Variants in GTF2F1 observed in about 807,000 individuals in gnomAD.
The protein encoded by GTF2F1 is general transcription factor IIF subunit 1.
A neutral mutation model predicts 63.5 loss-of-function variants in GTF2F1; 39 were observed. The observed-to-expected ratio is 0.61, with a 90% confidence interval of 0.48 to 0.80. GTF2F1 has a LOEUF of 0.80. Among genes scored for constraint, GTF2F1 ranks in the 30% least tolerant of loss-of-function variants. The probability of loss-of-function intolerance (pLI) is 0.00; values close to 1 mark genes in which losing one functional copy is unlikely to be tolerated. For synonymous variants in GTF2F1, 287 were observed against 285.3 expected (o/e 1.01, Z -0.06); for missense variants, 657 against 718.3 (o/e 0.91, Z 0.97).
rs1395761972 is a variant in GTF2F1 at position 6,380,701 on chromosome 19, G to A, written c.1232-11C>T. On this transcript the variant is annotated splice_polypyrimidine_tract_variant and intron_variant, in intron 11 of 12. Coordinates refer to ENST00000394456, the MANE Select transcript of GTF2F1 (RefSeq NM_002096.3). This position sits in a 1 kb window ranked among gnomAD's most constrained non-coding sequence, Gnocchi z 5.3. ...CGCTCACCCGCTTCCCTGTGGGAGTGGGGTCAGGGCTGAGTCTTGCAGGCA... is the reference window on the plus strand; with the variant it reads ...CGCTCACCCGCTTCCCTGTGGGAGTAGGGTCAGGGCTGAGTCTTGCAGGCA... The A allele has an allele frequency of 6.2e-7, 1 of 1,608,328 alleles. No homozygotes were observed. The highest frequency in any genetic ancestry group is 1.1e-5 in the South Asian group (1 of 91,034).
Position 6,381,160 on chromosome 19 carries a change from C to T in GTF2F1, c.1054G>A (p.Asp352Asn), listed in dbSNP as rs765317059. The change falls in exon 10 of 13, where the codon GAC becomes AAC. Residue 352 changes from aspartate to asparagine, a missense_variant. Around this residue, in one of 2 missense-constraint regions of GTF2F1, gnomAD observed 602 missense variants for 625.6 expected, o/e 0.96. Transcript: ENST00000394456. This position sits in a 1 kb window ranked among gnomAD's most constrained non-coding sequence, Gnocchi z 4.1. ...SEESDSSEES[D>N]IDSEASSALF... ...GCTGAGGAGGCCTCGCTGTCAATGT[C>T]GCTCTCCTCTGAGCTGTCCGACTCC... 15 of 1,611,654 alleles carry T rather than the reference C, an allele frequency of 9.3e-6. No individual in the cohort carries two copies. The East Asian group carries it at 1.1e-4, about 12-fold the overall frequency.
At chr19:6,391,554 G>C (rs2091998099) in intron 3 of GTF2F1, among the ~76,000 whole-genome samples, 1 of 145,326 alleles carries the variant, frequency 6.9e-6, no homozygotes, top group Non-Finnish European at 1.5e-5. Flanking sequence ...CTGGGCTCAA[G>C]CGATCCTCCT....
Position 6,387,376 on chromosome 19 carries a change from C to A in GTF2F1, c.497+13G>T. 1 of 1,612,880 alleles carries A rather than the reference C, an allele frequency of 6.2e-7. No individual in the cohort carries two copies. The highest frequency in any genetic ancestry group is 8.5e-7 in the Non-Finnish European group (1 of 1,179,094). On this transcript the variant is annotated intron_variant, in intron 5 of 12. Transcript: ENST00000394456. ...CCTCACTTCTGTCCCCAGCCACCAC[C>A]CAGCCCACTCACCTCTCCCACTCCT...
intron 3 of GTF2F1, 60 bp from the exon 4 acceptor site, chr19:6,389,697 C>T (rs1446705139): frequency 6.7e-7 from 1 of 1,493,064 alleles, no homozygotes; most frequent in Non-Finnish European, 9.2e-7. Context: ...CAGTGCCCCC[C>T]TCCAGGAACG....
At chr19:6,392,930 G>C in intron 1 of GTF2F1, 27 bp from the exon 2 acceptor site, 1 of 1,614,168 alleles carries the variant, frequency 6.2e-7, no homozygotes, top group Non-Finnish European at 8.5e-7. Flanking sequence ...CGGTGAGTGA[G>C]GGGTCGCCGA....
chr19:6,390,855 G>A (rs1027348017), intron 3 of GTF2F1, among the ~76,000 whole-genome samples: 1 of 151,954 alleles, frequency 6.6e-6, no homozygotes, highest in Non-Finnish European at 1.5e-5. Flanking sequence ...ACTCCAGCCT[G>A]GATGACAAGA....
Position 6,389,461 on chromosome 19 carries a change from G to C in GTF2F1, c.309C>G (p.Asn103Lys), listed in dbSNP as rs376084679. The change falls in exon 4 of 13, where the codon AAC (asparagine) becomes AAG (lysine). Residue 103 changes from asparagine (N) to lysine (K), a missense_variant. Transcript: ENST00000394456. ...PEDQPWLLRV[N>K]GKSGRKFKGI... ...CCACTTACTTCCTGCCTGATTTGCC[G>C]TTGACCCGGAGCAGCCAGGGCTGGT... 26 of 1,613,770 alleles carry C rather than the reference G, an allele frequency of 1.6e-5. No individual in the cohort carries two copies. The African/African-American group carries it at 2.3e-4, about 14-fold the overall frequency.
intron 4 of GTF2F1, 126 bp from the exon 5 acceptor site, chr19:6,387,685 T>A: frequency 1.5e-6 from 1 of 687,938 alleles, no homozygotes; most frequent in Non-Finnish European, 2.4e-6. Context: ...CCATGAGGCC[T>A]GGGCAGGCCC....
intron 3 of GTF2F1, among the ~76,000 whole-genome samples, chr19:6,391,262 G>T (rs879820282): frequency 3.9e-5 from 6 of 152,024 alleles, no homozygotes; most frequent in Admixed American, 3.9e-4. Context: ...TGATGGCAGG[G>T]GCTCTGGGAA....
rs1269808748 is a variant in GTF2F1, at chr19:6,380,300, T to C, written c.1535A>G (p.His512Arg). Residue 512 changes from histidine to arginine, a missense_variant, in exon 13 of 13, where the codon CAC (histidine) becomes CGC (arginine). Physicochemically the swap from His to Arg is conservative, Grantham distance 29 (BLOSUM62 0). This residue lies in a region of GTF2F1 where 55 missense variants were observed against 92.6 expected (regional missense o/e 0.59). Transcript: ENST00000394456. The surrounding 1 kb of genome is among the most constrained non-coding windows in gnomAD (Gnocchi z 5.3). ...CAAGCCTCACTCCTTGAGGGAGAAG[T>C]GCATTTTGTCGTTGATCATCTTGCG... ...PERKMINDKM[H>R]FSLKE 3 of 1,613,868 alleles carry C rather than the reference T, an allele frequency of 1.9e-6. No individual in the cohort carries two copies. The highest frequency in any genetic ancestry group is 2.5e-6 in the Non-Finnish European group (3 of 1,179,952).
chr19:6,391,444 T>TTG (rs2091997072), intron 3 of GTF2F1, among the ~76,000 whole-genome samples: 1 of 131,122 alleles, frequency 7.6e-6, no homozygotes, highest in Admixed American at 7.5e-5. Context: ...TTTCCGTTTT[T>TTG]TTTTTTTTTT....
Position 6,381,965 on chromosome 19 carries a change from G to C in GTF2F1, c.683-115C>G. The C allele has an allele frequency of 1.2e-6, 1 of 850,272 alleles. No individual in the cohort carries two copies. Among genetic ancestry groups the C allele is most frequent in the South Asian group, 1.7e-5 (1 of 59,608 alleles). The allele number at this position is 850,272 out of a possible 1,614,324, so 52.7% of individuals were successfully genotyped here. A position where few individuals can be genotyped will look rare whatever the true frequency, so the allele number is the denominator to read the frequency against. On this transcript the variant is annotated intron_variant, in intron 6 of 12. Transcript: ENST00000394456. This position sits in a 1 kb window ranked among gnomAD's most constrained non-coding sequence, Gnocchi z 4.1. ...ACATCCTGGGGGGCCTCACTGACTGGGGAGACTACACCTCCAGGGCCAGCC... is the reference window on the plus strand; with the variant it reads ...ACATCCTGGGGGGCCTCACTGACTGCGGAGACTACACCTCCAGGGCCAGCC...
rs12609323 is a variant in GTF2F1, at chr19:6,380,012, G to A, written c.*269C>T. 58,790 of 524,774 alleles carry A rather than the reference G, an allele frequency of 0.11. 5,689 individuals carry two copies. Among genetic ancestry groups the A allele is most frequent in the East Asian group, 0.38 (11,234 of 29,264 alleles). 32.5% of individuals were successfully genotyped at this position (524,774 alleles called of 1,614,324 possible). A position where few individuals can be genotyped will look rare whatever the true frequency, so the allele number is the denominator to read the frequency against. ...GCCCTTGGTCAGTGTGAGGGAGGCC[G>A]AGCCAGGAGGAGGAGGACAATAAGA... On this transcript the variant is annotated 3_prime_UTR_variant, in exon 13 of 13. Coordinates refer to ENST00000394456, the MANE Select transcript of GTF2F1 (RefSeq NM_002096.3). This position sits in a 1 kb window ranked among gnomAD's most constrained non-coding sequence, Gnocchi z 5.3.
intron 3 of GTF2F1, among the ~76,000 whole-genome samples, chr19:6,390,944 A>C (rs1440283456): frequency 6.6e-6 from 1 of 152,170 alleles, no homozygotes; most frequent in Non-Finnish European, 1.5e-5. Context: ...AAGGCACCAA[A>C]ATCTCTACAA....
intron 4 of GTF2F1, 27 bp from the exon 5 acceptor site, chr19:6,387,586 G>C (rs1280463815): frequency 6.2e-7 from 1 of 1,605,208 alleles, no homozygotes; most frequent in Non-Finnish European, 8.5e-7. Context: ...TCATGGCCTG[G>C]CCCATAGGGA....
Position 6,392,912 on chromosome 19 carries a change from A to G in GTF2F1, c.13-9T>C, listed in dbSNP as rs774162921. Reference sequence around the variant, plus strand: ...TTCTGGCTGCTAGGGCCCTGCGGAAAGAGGAAGCGGTGAGTGAGGGGTCGC... The same window carrying G: ...TTCTGGCTGCTAGGGCCCTGCGGAAGGAGGAAGCGGTGAGTGAGGGGTCGC... On this transcript the variant is annotated splice_polypyrimidine_tract_variant and intron_variant, in intron 1 of 12. Coordinates refer to ENST00000394456, the MANE Select transcript of GTF2F1 (RefSeq NM_002096.3). 6.2e-7 allele frequency: 1 copy of G among 1,614,178 alleles called. No individual in the cohort carries two copies. Among genetic ancestry groups the G allele is most frequent in the Non-Finnish European group, 8.5e-7 (1 of 1,180,022 alleles).
intron 4 of GTF2F1, among the ~76,000 whole-genome samples, chr19:6,389,118 C>T (rs1011862154): frequency 3.3e-5 from 5 of 152,074 alleles, no homozygotes; most frequent in African/African-American, 7.2e-5. Flanking sequence ...CACCTGTAAT[C>T]CCAGCTACTC....
In GTF2F1 at chr19:6,389,646, G is replaced by A. The variant is rs756447312; in HGVS notation, c.133-9C>T. The A allele has an allele frequency of 6.2e-7, 1 of 1,611,656 alleles. No individual in the cohort carries two copies. The highest frequency in any genetic ancestry group is 1.1e-5 in the South Asian group (1 of 91,060). On this transcript the variant is annotated splice_polypyrimidine_tract_variant and intron_variant, in intron 3 of 12. Coordinates refer to ENST00000394456, the MANE Select transcript of GTF2F1 (RefSeq NM_002096.3). ...TCCCGCTCCAGCCGAGCCTAGGGGAGCAGGAAGCAAAGCCTCTCAGGGTCC... is the reference window on the plus strand; with the variant it reads ...TCCCGCTCCAGCCGAGCCTAGGGGAACAGGAAGCAAAGCCTCTCAGGGTCC...
In GTF2F1 at chr19:6,389,427, AC is replaced by A; in HGVS notation, c.326+16del. On this transcript the variant is annotated intron_variant, in intron 4 of 12. Coordinates refer to ENST00000394456, the MANE Select transcript of GTF2F1 (RefSeq NM_002096.3). ...GACTGGTCACTAAGCCGGCACCGCC[AC>A]CGCCCCACCACTTACTTCCTGCCTG... is the stretch of plus-strand genomic sequence containing the variant. 1 of 1,610,276 alleles carries A rather than the reference AC, an allele frequency of 6.2e-7. No homozygotes were observed. Among genetic ancestry groups the A allele is most frequent in the Non-Finnish European group, 8.5e-7 (1 of 1,177,048 alleles).
Sources: allele counts gnomAD v4.1 joint callset (sites outside exome capture counted in the v4.1 genomes callset), GRCh38; gene constraint gnomAD v4.1.1; regional missense constraint gnomAD v4.1.1; non-coding constraint Gnocchi (gnomAD v3.1); transcripts MANE v1.5; gene names NCBI Gene and HGNC (gene_info 2026-07-23, HGNC 2026-07-21).